TIMM23: variants seen among roughly 807,000 people sequenced by gnomAD.
TIMM23 encodes translocase of inner mitochondrial membrane 23.
A neutral mutation model predicts 30.7 loss-of-function variants in TIMM23; 19 were observed. The ratio of observed to expected loss-of-function variants is 0.62; its 90% CI spans 0.43 to 0.91. TIMM23 has a LOEUF of 0.91. Ranked by LOEUF, TIMM23 falls within the 40% of genes least tolerant of loss-of-function variation. The probability of loss-of-function intolerance (pLI) is 0.00; values close to 1 mark genes in which losing one functional copy is unlikely to be tolerated. For synonymous variants in TIMM23, 78 were observed against 98.5 expected (o/e 0.79, Z 1.23); for missense variants, 202 against 269.2 (o/e 0.75, Z 1.75).
At chr10:45,976,829 T>TA (rs1837687904) in intron 2 of TIMM23, among the ~76,000 whole-genome samples, 1 of 152,200 alleles carries the variant, frequency 6.6e-6, no homozygotes, top group Non-Finnish European at 1.5e-5. Flanking sequence ...AGAAAGAAGT[T>TA]AAACTATCTG....
intron 5 of TIMM23, among the ~76,000 whole-genome samples, chr10:45,987,223 C>T (rs1241464748): frequency 1.3e-5 from 2 of 149,462 alleles, no homozygotes; most frequent in African/African-American, 5.1e-5. Flanking sequence ...GCCATACTGA[C>T]TTTTGTGTTG....
intron 2 of TIMM23, among the ~76,000 whole-genome samples, chr10:45,976,663 A>G (rs1837681789): frequency 6.6e-6 from 1 of 152,106 alleles, no homozygotes; most frequent in Non-Finnish European, 1.5e-5. Flanking sequence ...GTTAAATGCC[A>G]TCTACAGAAT....
At chr10:45,982,703 C>T in intron 3 of TIMM23, 87 bp downstream of exon 3, 1 of 1,570,438 alleles carries the variant, frequency 6.4e-7, no homozygotes, top group South Asian at 1.2e-5. Flanking sequence ...ATGTTGGTTT[C>T]AGGGTTTTTT....
chr10:45,987,880 C>T (rs1838043080), intron 5 of TIMM23, among the ~76,000 whole-genome samples: 1 of 152,010 alleles, frequency 6.6e-6, no homozygotes, highest in Non-Finnish European at 1.5e-5. Flanking sequence ...CCTCGGCCTC[C>T]CAAAGTGCTG....
At chr10:45,982,800 T>C in intron 3 of TIMM23, 46 bp from the exon 4 acceptor site, 1 of 1,613,242 alleles carries the variant, frequency 6.2e-7, no homozygotes. Context: ...TTTGTTTTTT[T>C]AATATAAAGC....
chr10:45,996,325 G>A (rs1838330981), intron 6 of TIMM23, among the ~76,000 whole-genome samples: 1 of 146,244 alleles, frequency 6.8e-6, no homozygotes, highest in South Asian at 2.1e-4. Context: ...TTACACCACT[G>A]CACTCCAGCC....
At chr10:45,994,043 TGAAAG>T (rs1404371600) in intron 6 of TIMM23, among the ~76,000 whole-genome samples, 9 of 151,698 alleles carry the variant, frequency 5.9e-5, no homozygotes, top group Non-Finnish European at 8.8e-5. Flanking sequence ...AAATATGAAA[TGAAAG>T]GAAATACGAA....
At chr10:45,996,796 A>G (rs782246280) in intron 6 of TIMM23, among the ~76,000 whole-genome samples, 22,709 of 150,330 alleles carry the variant, frequency 0.15, 2,049 homozygotes, top group African/African-American at 0.28. Flanking sequence ...AATATGGTGA[A>G]ACCCTGTCTA....
chr10:45,978,076 C>T (rs1394329125), intron 2 of TIMM23, among the ~76,000 whole-genome samples: 2 of 151,812 alleles, frequency 1.3e-5, no homozygotes, highest in Non-Finnish European at 2.9e-5. Flanking sequence ...AAAGTCCTGG[C>T]GCAGTGGCTC....
In TIMM23 at chr10:45,985,990, A is replaced by C. The variant is rs1837978148; in HGVS notation, c.403+549A>C. Among the ~76,000 whole-genome samples the C allele has an allele frequency of 4.6e-5, 7 of 152,198 alleles. No homozygotes were observed. In the South Asian group the frequency reaches 1.4e-3, roughly 32 times the overall value. On this transcript the variant is annotated intron_variant, in intron 5 of 6. Transcript: ENST00000580018. Reference sequence around the variant, plus strand: ...TCAGAGCCTTATGCTTTCATACCATATTGTTTATGAATGATTGATCACTTA... The same window carrying C: ...TCAGAGCCTTATGCTTTCATACCATCTTGTTTATGAATGATTGATCACTTA...
chr10:45,981,756 T>G, intron 2 of TIMM23, among the ~76,000 whole-genome samples: 1 of 152,354 alleles, frequency 6.6e-6, no homozygotes, highest in Non-Finnish European at 1.5e-5. Context: ...ATTTTAACCA[T>G]CTTTGGTTGG....
chr10:45,992,593 C>G (rs1838197102), intron 6 of TIMM23: 2 of 428,076 alleles, frequency 4.7e-6, no homozygotes, highest in Non-Finnish European at 9.1e-6. Context: ...GAGTTTTGCT[C>G]TGTCGCCAGG....
chr10:45,993,744 AAATGATGAAATG>A (rs1342350444), intron 6 of TIMM23, among the ~76,000 whole-genome samples: 30 of 152,280 alleles, frequency 2.0e-4, no homozygotes, highest in South Asian at 8.3e-4. Context: ...AAATGAAATG[AAATGATGAAATG>A]AATAATGAAA....
chr10:45,973,511 T>C (rs1200222052), intron 1 of TIMM23, among the ~76,000 whole-genome samples: 3 of 152,206 alleles, frequency 2.0e-5, no homozygotes, highest in African/African-American at 7.2e-5. Context: ...CTCTAGGTAT[T>C]TTATACTAAG....
intron 6 of TIMM23, chr10:45,998,200 C>T (rs1005752259): frequency 5.1e-6 from 1 of 196,534 alleles, no homozygotes; most frequent in Non-Finnish European, 9.2e-6. Context: ...ACTATCTGGC[C>T]CTTTTAAAAA....
chr10:45,974,224 G>T (rs1359123123), intron 1 of TIMM23, among the ~76,000 whole-genome samples: 3 of 151,548 alleles, frequency 2.0e-5, no homozygotes, highest in African/African-American at 7.3e-5. Context: ...ATAATACTGA[G>T]GTAAACCAAC....
At position 45,997,161 on chromosome 10, in the gene TIMM23, G is replaced by T. The variant is rs1838365045; in HGVS notation, c.515-6042G>T. The stretch of plus-strand genomic sequence containing the variant: ...ACTTGAGCTTGGGGAGGTCAAGGCT[G>T]CAGTGAGCCGTGATCATGCCACTGC... On this transcript the variant is annotated intron_variant, in intron 6 of 6. Transcript: ENST00000580018. 4.6e-5 allele frequency among the ~76,000 whole-genome samples: 7 copies of T among 152,130 alleles called. No homozygotes were observed. In the South Asian group the frequency reaches 1.2e-3, roughly 27 times the overall value.
At chr10:45,991,556 A>C (rs1429725540) in intron 6 of TIMM23, among the ~76,000 whole-genome samples, 1 of 152,140 alleles carries the variant, frequency 6.6e-6, no homozygotes, top group Non-Finnish European at 1.5e-5. Flanking sequence ...GTTCAAGACC[A>C]GCCTGACCAA....
chr10:46,001,878 T>C (rs1838550205), intron 6 of TIMM23, among the ~76,000 whole-genome samples: 1 of 152,228 alleles, frequency 6.6e-6, no homozygotes, highest in Non-Finnish European at 1.5e-5. Context: ...TTAGGCCTTT[T>C]TATTTTGAGA....
Sources: allele counts gnomAD v4.1 joint callset (sites outside exome capture counted in the v4.1 genomes callset), GRCh38; gene constraint gnomAD v4.1.1; transcripts MANE v1.5; gene names NCBI Gene and HGNC (gene_info 2026-07-23, HGNC 2026-07-21).